The following VGLL4 variants were observed in gnomAD, a reference collection of about 807,000 sequenced individuals.
VGLL4 encodes vestigial like family member 4.
In VGLL4, 7 loss-of-function variants were observed where a neutral mutation model predicts 21.0. That is an observed-to-expected ratio of 0.33 (90% CI 0.19 to 0.63). VGLL4 has a LOEUF of 0.63. Ranked by LOEUF, VGLL4 falls within the 20% of genes least tolerant of loss-of-function variation. The probability of loss-of-function intolerance (pLI) is 0.78; values close to 1 mark genes in which losing one functional copy is unlikely to be tolerated. For missense variants in VGLL4, 394 were observed against 425.7 expected (o/e 0.93, Z 0.66); for synonymous variants, 222 against 173.2 (o/e 1.28, Z -2.21).
intron 2 of VGLL4, among the ~76,000 whole-genome samples, chr3:11,675,160 G>A (rs1031840239): frequency 1.1e-4 from 16 of 152,088 alleles, no homozygotes; most frequent in African/African-American, 3.6e-4. Context: ...TGGCCAACAT[G>A]GCGAAAACCT....
intron 1 of VGLL4, among the ~76,000 whole-genome samples, chr3:11,606,129 G>C (rs573242103): frequency 3.9e-5 from 6 of 152,192 alleles, no homozygotes; most frequent in Non-Finnish European, 8.8e-5. Context: ...GATGACAGAC[G>C]AGAGAATGAG....
chr3:11,714,899 G>T (rs1257777937), intron 1 of VGLL4, among the ~76,000 whole-genome samples: 2 of 152,158 alleles, frequency 1.3e-5, no homozygotes, highest in Admixed American at 6.5e-5. Flanking sequence ...AGTTTGGGAG[G>T]CTGAGGCGGG....
At chr3:11,662,983 G>A (rs558039730) in intron 2 of VGLL4, among the ~76,000 whole-genome samples, 4 of 152,148 alleles carry the variant, frequency 2.6e-5, no homozygotes, top group Non-Finnish European at 5.9e-5. Flanking sequence ...AATTATTTTG[G>A]AAATATAAAG....
At chr3:11,691,480 T>C (rs2076525765) in intron 2 of VGLL4, among the ~76,000 whole-genome samples, 1 of 152,160 alleles carries the variant, frequency 6.6e-6, no homozygotes, top group African/African-American at 2.4e-5. Context: ...CTGTATAGCA[T>C]TTGCCATGGT....
chr3:11,689,555 C>T (rs1039201), intron 2 of VGLL4, among the ~76,000 whole-genome samples: 77,353 of 152,028 alleles, frequency 0.51, 20,637 homozygotes, highest in Non-Finnish European at 0.61. Flanking sequence ...TTGAAGATAC[C>T]GACTAACATG....
At chr3:11,692,382 G>C (rs1393572198) in intron 2 of VGLL4, among the ~76,000 whole-genome samples, 1 of 152,216 alleles carries the variant, frequency 6.6e-6, no homozygotes, top group African/African-American at 2.4e-5. Context: ...CCCACTTAGA[G>C]AATGGCTTAA....
chr3:11,564,899 G>A lies in VGLL4; in HGVS notation c.393C>T (p.Pro131=), dbSNP rs1268336372. The change falls in exon 3 of 5, where the codon CCC becomes CCT. Residue 131 remains proline, a synonymous_variant. Transcript: ENST00000430365. ...CGAGGGGCTGCTCCAGGCCAAGGCTGGGGAGGGAGGTGTACAGGTGGCTGC... is the reference window on the plus strand; with the variant it reads ...CGAGGGGCTGCTCCAGGCCAAGGCTAGGGAGGGAGGTGTACAGGTGGCTGC... The part of the protein sequence containing the change: ...LHGSHLYTSL[P]SLGLEQPLAL... The A allele has an allele frequency of 1.9e-6, 3 of 1,607,148 alleles. No individual in the cohort carries two copies. Among genetic ancestry groups the A allele is most frequent in the Admixed American group, 1.7e-5 (1 of 59,316 alleles).
At chr3:11,612,503 A>T (rs2075082639) in intron 1 of VGLL4, 1 of 152,242 alleles carries the variant, frequency 6.6e-6, no homozygotes, top group East Asian at 1.9e-4. Flanking sequence ...TAAGATTCAA[A>T]AAGATCAAAC....
intron 1 of VGLL4, among the ~76,000 whole-genome samples, chr3:11,619,585 T>C (rs1466406408): frequency 6.6e-6 from 1 of 152,172 alleles, no homozygotes; most frequent in Non-Finnish European, 1.5e-5. Context: ...ACACTTGGTG[T>C]GTTGACGCGG....
At chr3:11,561,251 G>GA (rs1218232084) in intron 3 of VGLL4, among the ~76,000 whole-genome samples, 1 of 152,176 alleles carries the variant, frequency 6.6e-6, no homozygotes, top group African/African-American at 2.4e-5. Context: ...CAGGGAGGGG[G>GA]AATCAAGGAA....
intron 1 of VGLL4, among the ~76,000 whole-genome samples, chr3:11,602,524 A>G (rs977020755): frequency 6.6e-5 from 10 of 152,130 alleles, no homozygotes; most frequent in Admixed American, 2.0e-4. Flanking sequence ...AACAGTTCAC[A>G]CATTTGTACC....
At chr3:11,588,597 C>G (rs963116942) in intron 2 of VGLL4, among the ~76,000 whole-genome samples, 1 of 152,234 alleles carries the variant, frequency 6.6e-6, no homozygotes, top group Admixed American at 6.5e-5. Context: ...GAGGGCACTG[C>G]CGTGCAAACA....
At chr3:11,625,139 AG>A (rs1223698576) in intron 1 of VGLL4, among the ~76,000 whole-genome samples, 3 of 152,256 alleles carry the variant, frequency 2.0e-5, no homozygotes, top group African/African-American at 7.2e-5. Context: ...AAAATTCAGT[AG>A]TGCCAGAGGC....
intron 2 of VGLL4, among the ~76,000 whole-genome samples, chr3:11,585,884 G>A (rs371872936): frequency 3.9e-5 from 6 of 151,920 alleles, no homozygotes; most frequent in South Asian, 2.1e-4. Flanking sequence ...CATATACAAC[G>A]TCACCCCTCC....
chr3:11,672,455 A>C (rs2125369570), intron 2 of VGLL4, among the ~76,000 whole-genome samples: 1 of 152,294 alleles, frequency 6.6e-6, no homozygotes, highest in South Asian at 2.1e-4. Flanking sequence ...CTCATTTACT[A>C]TCCCTGGAGC....
intron 2 of VGLL4, among the ~76,000 whole-genome samples, chr3:11,573,190 C>A (rs564727695): frequency 2.7e-4 from 38 of 142,988 alleles, no homozygotes; most frequent in Non-Finnish European, 2.6e-4. Context: ...GACAGACAGA[C>A]AGAAAGAAAG....
In VGLL4 at chr3:11,557,159, A is replaced by G. The variant is rs1199348745; in HGVS notation, c.*1397T>C. The G allele has an allele frequency of 1.3e-5, 2 of 152,720 alleles. No individual in the cohort carries two copies. The highest frequency in any genetic ancestry group is 2.9e-5 in the Non-Finnish European group (2 of 68,040). The allele number at this position is 152,720 out of a possible 1,614,324, so 9.5% of individuals were successfully genotyped here. A position where few individuals can be genotyped will look rare whatever the true frequency, so the allele number is the denominator to read the frequency against. On this transcript the variant is annotated 3_prime_UTR_variant, in exon 5 of 5. Coordinates refer to ENST00000430365, the MANE Select transcript of VGLL4 (RefSeq NM_001128219.3). ...GGGATAGAAACGCTCATTGACCAAAAAGGAGCAGCTGTGACCTCCACAGCT... is the reference window on the plus strand; with the variant it reads ...GGGATAGAAACGCTCATTGACCAAAGAGGAGCAGCTGTGACCTCCACAGCT...
intron 2 of VGLL4, among the ~76,000 whole-genome samples, chr3:11,587,652 A>G (rs1181765659): frequency 6.6e-6 from 1 of 152,216 alleles, no homozygotes; most frequent in African/African-American, 2.4e-5. Flanking sequence ...GCAGAGTATG[A>G]GCAAATCTGC....
Position 11,581,449 on chromosome 3 carries a change from G to A in VGLL4, c.273-16430C>T, listed in dbSNP as rs371639168. 6.6e-4 allele frequency among the ~76,000 whole-genome samples: 101 copies of A among 152,240 alleles called. 2 individuals are homozygous for A. In the South Asian group the frequency reaches 0.02, roughly 30 times the overall value. On this transcript the variant is annotated intron_variant, in intron 2 of 4. Transcript: ENST00000430365. ...CGGAGGGTCCTCATCTGTGCAGGCAGGTGAGCATACCTAGACACCCGGCCC... is the reference window on the plus strand; with the variant it reads ...CGGAGGGTCCTCATCTGTGCAGGCAAGTGAGCATACCTAGACACCCGGCCC...
Sources: allele counts gnomAD v4.1 joint callset (sites outside exome capture counted in the v4.1 genomes callset), GRCh38; gene constraint gnomAD v4.1.1; transcripts MANE v1.5; gene names NCBI Gene and HGNC (gene_info 2026-07-23, HGNC 2026-07-21).